ATP2B2: variants seen among roughly 807,000 people sequenced by gnomAD.
ATP2B2 encodes plasma membrane calcium-transporting ATPase 2.
A neutral mutation model predicts 120.0 loss-of-function variants in ATP2B2; 15 were observed. The observed-to-expected ratio is 0.12, with a 90% CI of 0.08 to 0.19. The LOEUF (loss-of-function observed/expected upper bound fraction) is 0.19. ATP2B2 is among the 10% of genes least tolerant of loss of function. The pLI is 1.00. For missense variants in ATP2B2, 1,045 were observed against 1,719.8 expected, an observed-to-expected ratio of 0.61 and a Z score of 6.94; for synonymous variants, 694 against 700.3, an observed-to-expected ratio of 0.99 and a Z score of 0.14.
At chr3:10,587,802 T>A (rs181326493) in intron 2 of ATP2B2, among the ~76,000 whole-genome samples, 86 of 152,308 alleles carry the variant, frequency 5.6e-4, no homozygotes, top group Admixed American at 1.4e-3. Context: ...TCTTAGTGCG[T>A]AGAAACAAGG....
intron 7 of ATP2B2, among the ~76,000 whole-genome samples, chr3:10,386,055 G>T (rs1484575388): frequency 2.6e-5 from 4 of 152,250 alleles, no homozygotes; most frequent in Non-Finnish European, 5.9e-5. Context: ...CTTTCTTGTG[G>T]GTAGGGAATA....
At chr3:10,650,941 G>A (rs939412237) in intron 1 of ATP2B2, among the ~76,000 whole-genome samples, 1 of 152,240 alleles carries the variant, frequency 6.6e-6, no homozygotes, top group Non-Finnish European at 1.5e-5. Context: ...TCATTTTTAA[G>A]CTTTAAGGCT....
intron 1 of ATP2B2, among the ~76,000 whole-genome samples, chr3:10,489,156 C>T (rs1001021647): frequency 5.3e-5 from 8 of 152,274 alleles, no homozygotes; most frequent in African/African-American, 1.7e-4. Context: ...CAGGTCTCTG[C>T]TGAAAGGCCA....
intron 1 of ATP2B2, among the ~76,000 whole-genome samples, chr3:10,467,227 C>T (rs1232939274): frequency 6.6e-6 from 1 of 152,222 alleles, no homozygotes; most frequent in Admixed American, 6.5e-5. Context: ...GCCACTGAAA[C>T]ATCTACATGG....
intron 5 of ATP2B2, among the ~76,000 whole-genome samples, chr3:10,391,447 A>G (rs1575099067): frequency 6.6e-6 from 1 of 152,164 alleles, no homozygotes; most frequent in Admixed American, 6.5e-5. Flanking sequence ...CTCCCAACCC[A>G]AGACAGGATG....
intron 2 of ATP2B2, among the ~76,000 whole-genome samples, chr3:10,584,150 A>G (rs11925622): frequency 0.12 from 17,911 of 151,746 alleles, 2,141 homozygotes; most frequent in African/African-American, 0.3. Context: ...GGAGCTGCCC[A>G]GGTGGAGATG....
At chr3:10,654,270 C>G (rs534053245) in intron 1 of ATP2B2, among the ~76,000 whole-genome samples, 45 of 152,266 alleles carry the variant, frequency 3.0e-4, no homozygotes, top group African/African-American at 8.4e-4. Context: ...GTATCCGTGC[C>G]TCTGTCTGTC....
Position 10,388,295 on chromosome 3 carries a change from C to T in ATP2B2, c.889G>A (p.Glu297Lys). The T allele has an allele frequency of 1.9e-6, 3 of 1,614,190 alleles. No individual in the cohort carries two copies. The highest frequency in any genetic ancestry group is 2.5e-6 in the Non-Finnish European group (3 of 1,180,032). Reference sequence around the variant, plus strand: ...GGCTTACCTTTTTTGTCTTTCTTCTCTTCCTCTTCACCACCAGCCCCCAGG... The same window carrying T: ...GGCTTACCTTTTTTGTCTTTCTTCTTTTCCTCTTCACCACCAGCCCCCAGG... ...TLLGAGGEEE[E>K]KKDKKGVKKG... The change falls in exon 6 of 23, where the codon GAG (glutamate) becomes AAG (lysine). Residue 297 changes from glutamate (E) to lysine (K), a missense_variant. By Grantham distance (56) the Glu-to-Lys change is moderately conservative. This residue lies in a region of ATP2B2 where 145 missense variants were observed against 202.0 expected (regional missense o/e 0.72). Coordinates refer to ENST00000360273, the MANE Select transcript of ATP2B2 (RefSeq NM_001001331.4).
intron 12 of ATP2B2, among the ~76,000 whole-genome samples, chr3:10,361,174 A>G (rs1009511649): frequency 2.6e-5 from 4 of 152,200 alleles, no homozygotes; most frequent in African/African-American, 9.7e-5. Context: ...AACCAATGGA[A>G]ACTGCTATTT....
rs781596200 is a variant in ATP2B2 at position 10,346,129 on chromosome 3, C to T, written c.2413G>A (p.Asp805Asn). Residue 805 changes from aspartate (D) to asparagine (N), a missense_variant, in exon 17 of 23, where the codon GAC (aspartate) becomes AAC (asparagine). Around this residue, in one of 11 missense-constraint regions of ATP2B2, gnomAD observed 98 missense variants for 266.7 expected, o/e 0.37. Coordinates refer to ENST00000360273, the MANE Select transcript of ATP2B2 (RefSeq NM_001001331.4). This position sits in a 1 kb window ranked among gnomAD's most constrained non-coding sequence, Gnocchi z 4.1. ...DKHTLVKGII[D>N]STHTEQRQVV... ...TGCCGCTGCTCAGTGTGTGTGCTGTCGATGATGCCTGTTGGGGCAGGAGTG... is the reference window on the plus strand; with the variant it reads ...TGCCGCTGCTCAGTGTGTGTGCTGTTGATGATGCCTGTTGGGGCAGGAGTG... The T allele has an allele frequency of 6.2e-7, 1 of 1,610,792 alleles. No homozygotes were observed.
intron 2 of ATP2B2, among the ~76,000 whole-genome samples, chr3:10,610,568 G>T (rs928824337): frequency 2.0e-5 from 3 of 152,174 alleles, no homozygotes; most frequent in Non-Finnish European, 1.5e-5. Flanking sequence ...GGACTTCCGG[G>T]TAAAGTGATG....
intron 1 of ATP2B2, among the ~76,000 whole-genome samples, chr3:10,688,420 A>G (rs1195055880): frequency 6.6e-6 from 1 of 152,244 alleles, no homozygotes; most frequent in Non-Finnish European, 1.5e-5. Flanking sequence ...GTGAAGACCT[A>G]GAATGGGGGC....
chr3:10,435,617 G>T (rs1316214513), intron 2 of ATP2B2, among the ~76,000 whole-genome samples: 1 of 152,158 alleles, frequency 6.6e-6, no homozygotes, highest in East Asian at 1.9e-4. Context: ...GTTCTTTTGG[G>T]GGACTTGTAA....
intron 2 of ATP2B2, among the ~76,000 whole-genome samples, chr3:10,606,516 C>T (rs1395514896): frequency 6.6e-6 from 1 of 152,154 alleles, no homozygotes; most frequent in African/African-American, 2.4e-5. Context: ...GAGTGCAAGA[C>T]TTCCAATCCT....
chr3:10,446,861 G>A (rs2063853786), intron 2 of ATP2B2, among the ~76,000 whole-genome samples: 1 of 152,266 alleles, frequency 6.6e-6, no homozygotes, highest in South Asian at 2.1e-4. Context: ...CAATAGAGAT[G>A]TCATTATTGT....
chr3:10,632,969 G>A (rs891103708), intron 1 of ATP2B2, among the ~76,000 whole-genome samples: 4 of 152,252 alleles, frequency 2.6e-5, no homozygotes, highest in African/African-American at 7.2e-5. Flanking sequence ...AAATGGAGGG[G>A]GGCACATCTC....
At chr3:10,661,113 T>A (rs1320348662) in intron 1 of ATP2B2, among the ~76,000 whole-genome samples, 1 of 152,180 alleles carries the variant, frequency 6.6e-6, no homozygotes, top group Admixed American at 6.5e-5. Flanking sequence ...TAATAAGAGC[T>A]GTTTAGGACA....
intron 2 of ATP2B2, among the ~76,000 whole-genome samples, chr3:10,429,730 G>A (rs979307740): frequency 1.3e-5 from 2 of 152,242 alleles, no homozygotes; most frequent in Non-Finnish European, 2.9e-5. Context: ...AGGAAGGCAT[G>A]TCTCACTAAG....
intron 5 of ATP2B2, among the ~76,000 whole-genome samples, chr3:10,397,078 C>A (rs1412121166): frequency 7.2e-5 from 11 of 152,210 alleles, no homozygotes; most frequent in Admixed American, 6.5e-4. Context: ...AAGCCATGTG[C>A]CTGAGGCCAC....
Sources: allele counts gnomAD v4.1 joint callset (sites outside exome capture counted in the v4.1 genomes callset), GRCh38; gene constraint gnomAD v4.1.1; regional missense constraint gnomAD v4.1.1; non-coding constraint Gnocchi (gnomAD v3.1); transcripts MANE v1.5; gene names NCBI Gene and HGNC (gene_info 2026-07-23, HGNC 2026-07-21).